The following SOX13 variants were observed in gnomAD, a reference collection of about 807,000 sequenced individuals.
SOX13 encodes transcription factor SOX-13.
Under a neutral mutation model 71.8 loss-of-function variants are expected in SOX13, and 28 were observed. The ratio of observed to expected loss-of-function variants is 0.39; its 90% CI spans 0.29 to 0.53. The LOEUF is 0.53. Ranked by LOEUF, SOX13 falls within the 20% of genes least tolerant of loss-of-function variation. The pLI is 0.70. For missense variants in SOX13, 627 were observed against 810.3 expected (o/e 0.77, Z 2.75); for synonymous variants, 309 against 317.8 (o/e 0.97, Z 0.29).
In SOX13 at chr1:204,122,619, CA is replaced by C. The variant is rs57178366; in HGVS notation, c.1024+221del. 5,920 of 601,122 alleles carry C rather than the reference CA, an allele frequency of 9.8e-3. 272 individuals are homozygous for C. The highest frequency in any genetic ancestry group is 0.093 in the African/African-American group (5,014 of 53,940). The allele number at this position is 601,122 out of a possible 1,614,324, so 37.2% of individuals were successfully genotyped here. A position where few individuals can be genotyped will look rare whatever the true frequency, so the allele number is the denominator to read the frequency against. On this transcript the variant is annotated intron_variant, in intron 9 of 13. Coordinates refer to ENST00000367204, the MANE Select transcript of SOX13 (RefSeq NM_005686.3). ...GATTCAGGCCAGAGTCACATAGTTC[CA>C]GGGGGTACTGTTGTCATTTCTAGTC...
intron 1 of SOX13, among the ~76,000 whole-genome samples, chr1:204,101,489 G>T (rs1254571930): frequency 7.8e-6 from 1 of 128,206 alleles, no homozygotes; most frequent in Non-Finnish European, 1.6e-5. Flanking sequence ...AACATAGCGA[G>T]ATTCCCTCTT....
At chr1:204,116,323 G>C in intron 4 of SOX13, 184 bp from the exon 5 acceptor site, 12 of 1,543,100 alleles carry the variant, frequency 7.8e-6, no homozygotes, top group Non-Finnish European at 1.0e-5. Context: ...TAGTTGCCAG[G>C]TAGCAACATG....
chr1:204,077,721 G>A (rs755419758), intron 1 of SOX13, among the ~76,000 whole-genome samples: 3 of 152,178 alleles, frequency 2.0e-5, no homozygotes, highest in Non-Finnish European at 4.4e-5. Flanking sequence ...GATACTGGAC[G>A]TATGGATGGT....
At chr1:204,110,136 G>T (rs986318502) in intron 1 of SOX13, among the ~76,000 whole-genome samples, 1 of 151,386 alleles carries the variant, frequency 6.6e-6, no homozygotes, top group African/African-American at 2.4e-5. Flanking sequence ...CTGGCCAGTT[G>T]TTATCATTTC....
chr1:204,114,432 G>C lies in SOX13; in HGVS notation c.331G>C (p.Val111Leu), dbSNP rs1035439269. The C allele has an allele frequency of 1.2e-6, 2 of 1,611,974 alleles. No individual in the cohort carries two copies. The highest frequency in any genetic ancestry group is 1.3e-5 in the African/African-American group (1 of 74,898). ...GGACTTCAACCGAAATTTGAAAGAAGGTAGGATGTCTGCCCTAGTTAGAAG... is the reference window on the plus strand; with the variant it reads ...GGACTTCAACCGAAATTTGAAAGAACGTAGGATGTCTGCCCTAGTTAGAAG... ...KLDFNRNLKE[V>L]VPAIEKLLSS... The change falls in exon 3 of 14, where the codon GTG becomes CTG. Residue 111 changes from valine to leucine, a missense_variant and splice_region_variant. By Grantham distance (32) the Val-to-Leu change is conservative. Around this residue, in one of 3 missense-constraint regions of SOX13, gnomAD observed 447 missense variants for 532.2 expected, o/e 0.84. Transcript: ENST00000367204.
At chr1:204,103,214 C>T (rs967694707) in intron 1 of SOX13, among the ~76,000 whole-genome samples, 1 of 152,216 alleles carries the variant, frequency 6.6e-6, no homozygotes, top group Non-Finnish European at 1.5e-5. Flanking sequence ...CCCAACTTGC[C>T]AGAGCTGCCT....
In SOX13 at chr1:204,123,188, T is replaced by A. The variant is rs749890104; in HGVS notation, c.1211T>A (p.Met404Lys). The change falls in exon 11 of 14, where the codon ATG becomes AAG. Residue 404 changes from methionine (M) to lysine (K), a missense_variant. Transcript: ENST00000367204. The surrounding 1 kb of genome is among the most constrained non-coding windows in gnomAD (Gnocchi z 5.0). Reference sequence around the variant, plus strand: ...TGTGTGCACCCACTGGAGGAAGCCATGCTGAGCTGCGACATGGATGGTGAG... The same window carrying A: ...TGTGTGCACCCACTGGAGGAAGCCAAGCTGAGCTGCGACATGGATGGTGAG... ...DGCVHPLEEA[M>K]LSCDMDGSRH... 34 of 1,613,422 alleles carry A rather than the reference T, an allele frequency of 2.1e-5. No homozygotes were observed. The highest frequency in any genetic ancestry group is 2.7e-5 in the Non-Finnish European group (32 of 1,179,656).
chr1:204,076,761 A>G (rs1019053519), intron 1 of SOX13, among the ~76,000 whole-genome samples: 30 of 152,288 alleles, frequency 2.0e-4, no homozygotes, highest in African/African-American at 7.0e-4. Flanking sequence ...AGATCCTGCA[A>G]TTGGCAGTTT....
chr1:204,116,407 C>T, intron 4 of SOX13, 100 bp from the exon 5 acceptor site: 1 of 1,606,922 alleles, frequency 6.2e-7, no homozygotes, highest in Non-Finnish European at 8.5e-7. Flanking sequence ...TGGGACATAG[C>T]AATTGCTCAA....
intron 1 of SOX13, among the ~76,000 whole-genome samples, chr1:204,088,226 T>G (rs1656064297): frequency 6.6e-6 from 1 of 152,300 alleles, no homozygotes; most frequent in Middle Eastern, 3.4e-3. Flanking sequence ...TCTCTTCCCC[T>G]GTGGTCATGT....
At chr1:204,122,529 T>C in intron 9 of SOX13, 130 bp downstream of exon 9, 1 of 721,984 alleles carries the variant, frequency 1.4e-6, no homozygotes, top group Non-Finnish European at 2.3e-6. Context: ...TTAGACTTGC[T>C]CTTAGCAGAA....
intron 12 of SOX13, among the ~76,000 whole-genome samples, chr1:204,124,187 G>A (rs1309930434): frequency 1.3e-5 from 2 of 152,146 alleles, no homozygotes; most frequent in Non-Finnish European, 2.9e-5. Context: ...TGGTGGCCAC[G>A]GAGGGATGTT....
chr1:204,121,961 C>A lies in SOX13; in HGVS notation c.837C>A (p.Ala279=), dbSNP rs1656815206. The change falls in exon 8 of 14, where the codon GCC becomes GCA. Residue 279 remains alanine, a synonymous_variant. Transcript: ENST00000367204. ...PPAPVVKRPG[A]MATHHPLQEP... The stretch of plus-strand genomic sequence containing the variant: ...CCCCAGTGGTGAAGAGGCCTGGGGC[C>A]ATGGCCACCCACCACCCCCTGCAGG... 3 of 1,609,528 alleles carry A rather than the reference C, an allele frequency of 1.9e-6. No individual in the cohort carries two copies. The East Asian group carries it at 6.7e-5, about 36-fold the overall frequency.
chr1:204,113,488 G>A (rs987712469), intron 2 of SOX13, among the ~76,000 whole-genome samples: 5 of 152,054 alleles, frequency 3.3e-5, no homozygotes, highest in African/African-American at 4.8e-5. Context: ...GATGATTTGG[G>A]AAAATCAACC....
Position 204,126,350 on chromosome 1 carries a change from C to T in SOX13, c.*216C>T, listed in dbSNP as rs16852933. ...TGGGTGGGCAGGAACTGCAGTATGG[C>T]CATGGGCTGAGCAGGCTGAGCACCT... On this transcript the variant is annotated 3_prime_UTR_variant, in exon 14 of 14. Transcript: ENST00000367204. 0.062 allele frequency: 37,123 copies of T among 601,396 alleles called. 1,606 individuals carry two copies. Among genetic ancestry groups the T allele is most frequent in the African/African-American group, 0.16 (8,843 of 54,034 alleles). The allele number at this position is 601,396 out of a possible 1,614,324, so 37.3% of individuals were successfully genotyped here.
At chr1:204,074,216 T>TG (rs995865618) in intron 1 of SOX13, 7 of 152,176 alleles carry the variant, frequency 4.6e-5, no homozygotes, top group Admixed American at 1.3e-4. Context: ...CATGGTTGCG[T>TG]GGGGTGCTGG....
In SOX13 at chr1:204,127,218, G is replaced by C. The variant is rs1286057404; in HGVS notation, c.*1084G>C. 6.6e-6 allele frequency: 1 copy of C among 152,312 alleles called. No individual in the cohort carries two copies. Among genetic ancestry groups the C allele is most frequent in the Non-Finnish European group, 1.5e-5 (1 of 68,094 alleles). The allele number at this position is 152,312 out of a possible 1,614,324, so 9.4% of individuals were successfully genotyped here. On this transcript the variant is annotated 3_prime_UTR_variant, in exon 14 of 14. Transcript: ENST00000367204. ...ATTGATGGTGCTCCCCTTCCTGCCA[G>C]CGTCAGAGGCCCTGGAGAGGGGCTG...
chr1:204,126,226 A>G lies in SOX13; in HGVS notation c.*92A>G. The stretch of plus-strand genomic sequence containing the variant: ...CCAGCCAACCTAAGACTATGTTGGT[A>G]CTTGGACTTGTTCGTGCCCCAGAGA... On this transcript the variant is annotated 3_prime_UTR_variant, in exon 14 of 14. Transcript: ENST00000367204. 1 of 1,376,326 alleles carries G rather than the reference A, an allele frequency of 7.3e-7. No individual in the cohort carries two copies. 85.3% of individuals were successfully genotyped at this position (1,376,326 alleles called of 1,614,324 possible).
rs1000460970 is a variant in SOX13, at chr1:204,081,586, G to T, written c.-2+7875G>T. 6.6e-6 allele frequency among the ~76,000 whole-genome samples: 1 copy of T among 152,166 alleles called. No homozygotes were observed. Among genetic ancestry groups the T allele is most frequent in the Non-Finnish European group, 1.5e-5 (1 of 68,022 alleles). On this transcript the variant is annotated intron_variant, in intron 1 of 13. Coordinates refer to ENST00000367204, the MANE Select transcript of SOX13 (RefSeq NM_005686.3). The surrounding 1 kb of genome is among the most constrained non-coding windows in gnomAD (Gnocchi z 4.3). ...TGGGGCCTCCTGCTTTGGCCCTGGCGCCTAGGAAAGGCTAGACAGGGAGGG... is the reference window on the plus strand; with the variant it reads ...TGGGGCCTCCTGCTTTGGCCCTGGCTCCTAGGAAAGGCTAGACAGGGAGGG...
Sources: gnomAD v4.1 joint callset for allele counts (sites outside exome capture counted in the v4.1 genomes callset) on GRCh38, gnomAD v4.1.1 for gene constraint, gnomAD v4.1.1 regional missense constraint, Gnocchi (gnomAD v3.1) non-coding constraint, MANE v1.5 for transcripts, NCBI Gene and HGNC (gene_info 2026-07-23, HGNC 2026-07-21) for gene names.